RIMS1: variants seen among roughly 807,000 people sequenced by gnomAD.
The protein encoded by RIMS1 is regulating synaptic membrane exocytosis 1.
Under a neutral mutation model 214.1 loss-of-function variants are expected in RIMS1, and 83 were observed. That is an observed-to-expected ratio of 0.39 (90% CI 0.32 to 0.47). The LOEUF is 0.47. Among genes scored for constraint, RIMS1 ranks in the 20% least tolerant of loss-of-function variants. RIMS1 has a pLI of 0.99. For missense variants in RIMS1, 2,050 were observed against 2,161.8 expected (o/e 0.95, Z 1.03); for synonymous variants, 793 against 786.8 (o/e 1.01, Z -0.13).
intron 29 of RIMS1, among the ~76,000 whole-genome samples, chr6:72,349,231 A>G (rs2097365133): frequency 6.6e-6 from 1 of 152,056 alleles, no homozygotes; most frequent in African/African-American, 2.4e-5. Flanking sequence ...TAGGTCTACA[A>G]GGAGGTAAAA....
intron 10 of RIMS1, among the ~76,000 whole-genome samples, chr6:72,244,084 T>TA (rs2068257807): frequency 6.6e-6 from 1 of 151,356 alleles, no homozygotes; most frequent in African/African-American, 2.4e-5. Flanking sequence ...AAAAAGAAAA[T>TA]ATTTATTCAT....
At chr6:72,396,459 G>A (rs1419088842) in intron 31 of RIMS1, among the ~76,000 whole-genome samples, 4 of 152,150 alleles carry the variant, frequency 2.6e-5, no homozygotes, top group African/African-American at 4.8e-5. Flanking sequence ...AAATAAAAAT[G>A]TAGATGTGCT....
intron 2 of RIMS1, among the ~76,000 whole-genome samples, chr6:71,992,022 C>G (rs979227853): frequency 1.3e-5 from 2 of 151,982 alleles, no homozygotes; most frequent in African/African-American, 4.8e-5. Context: ...TGAGATCACG[C>G]CACTGCACTC....
chr6:72,371,737 A>T (rs1268454367), intron 29 of RIMS1, among the ~76,000 whole-genome samples: 1 of 152,128 alleles, frequency 6.6e-6, no homozygotes, highest in Non-Finnish European at 1.5e-5. Context: ...GTCCCTGTGT[A>T]GATAGACGAG....
At position 71,970,515 on chromosome 6, in the gene RIMS1, C is replaced by T. The variant is rs1055522634; in HGVS notation, c.245+1452C>T. Among the ~76,000 whole-genome samples, 17 of 152,170 alleles carry T rather than the reference C, an allele frequency of 1.1e-4. 1 individual carries two copies. On this transcript the variant is annotated intron_variant, in intron 2 of 33. Coordinates refer to ENST00000521978, the MANE Select transcript of RIMS1 (RefSeq NM_014989.7). ...ATTCCAAAGTTCATTTTAAATTACA[C>T]ATTATTAGATATGAACTAGCATTTG... is the stretch of plus-strand genomic sequence containing the variant.
chr6:72,179,644 G>C lies in RIMS1; in HGVS notation c.541G>C (p.Gly181Arg). 6.2e-7 allele frequency: 1 copy of C among 1,613,962 alleles called. No individual in the cohort carries two copies. The highest frequency in any genetic ancestry group is 8.5e-7 in the Non-Finnish European group (1 of 1,179,876). ...ILTKSGAWFF[G>R]SGPQQTSQDG... ...AACCAAATCTGGGGCATGGTTCTTT[G>C]GAAGTGGCCCTCAGCAGACAAGTCA... Residue 181 changes from glycine to arginine, a missense_variant, in exon 5 of 34, where the codon GGA (glycine) becomes CGA (arginine). This residue lies in a region of RIMS1 where 882 missense variants were observed against 828.9 expected (regional missense o/e 1.06). Coordinates refer to ENST00000521978, the MANE Select transcript of RIMS1 (RefSeq NM_014989.7).
intron 6 of RIMS1, among the ~76,000 whole-genome samples, chr6:72,195,973 A>G (rs548186854): frequency 6.6e-6 from 1 of 152,066 alleles, no homozygotes; most frequent in East Asian, 1.9e-4. Flanking sequence ...GTGAGAACTC[A>G]CTATCATGAG....
intron 2 of RIMS1, among the ~76,000 whole-genome samples, chr6:72,088,465 C>T (rs930468897): frequency 4.0e-5 from 6 of 151,782 alleles, no homozygotes; most frequent in Non-Finnish European, 5.9e-5. Flanking sequence ...TGGCCCGGCT[C>T]CAGGCTGGTC....
intron 1 of RIMS1, among the ~76,000 whole-genome samples, chr6:71,900,708 G>A (rs1354512433): frequency 6.6e-6 from 1 of 152,126 alleles, no homozygotes; most frequent in Non-Finnish European, 1.5e-5. Context: ...AGTGGTGGAA[G>A]AGAGATCCCA....
chr6:71,940,635 C>A (rs1315823864), intron 1 of RIMS1, among the ~76,000 whole-genome samples: 1 of 152,142 alleles, frequency 6.6e-6, no homozygotes, highest in Non-Finnish European at 1.5e-5. Context: ...GAACTGAATT[C>A]TGCTAAAACA....
chr6:72,277,347 C>T (rs1045714399), intron 23 of RIMS1, among the ~76,000 whole-genome samples: 1 of 151,974 alleles, frequency 6.6e-6, no homozygotes, highest in Non-Finnish European at 1.5e-5. Context: ...TTTGGGAGGC[C>T]GAGGCGGGCG....
At chr6:72,313,780 T>A in intron 28 of RIMS1, 108 bp downstream of exon 28, 1 of 1,106,884 alleles carries the variant, frequency 9.0e-7, no homozygotes, top group Non-Finnish European at 1.3e-6. Context: ...CACAGTGGGT[T>A]AAGTATTTAT....
At chr6:71,887,855 G>A (rs1768292482) in intron 1 of RIMS1, among the ~76,000 whole-genome samples, 1 of 152,076 alleles carries the variant, frequency 6.6e-6, no homozygotes, top group South Asian at 2.1e-4. Context: ...CATATGTAAT[G>A]CCACTGGCAA....
intron 2 of RIMS1, among the ~76,000 whole-genome samples, chr6:72,046,992 A>G (rs1431955817): frequency 6.6e-6 from 1 of 152,158 alleles, no homozygotes; most frequent in Admixed American, 6.6e-5. Flanking sequence ...TAAATTACTC[A>G]AATACCTTTT....
intron 6 of RIMS1, among the ~76,000 whole-genome samples, chr6:72,226,716 A>G (rs574271671): frequency 6.6e-6 from 1 of 151,410 alleles, no homozygotes; most frequent in East Asian, 1.9e-4. Context: ...TGGCCAATTA[A>G]TAATTTTTAC....
chr6:72,122,580 A>C (rs1254587402), intron 4 of RIMS1, among the ~76,000 whole-genome samples: 1 of 151,702 alleles, frequency 6.6e-6, no homozygotes, highest in Non-Finnish European at 1.5e-5. Flanking sequence ...CCTCTGGTGG[A>C]ATTTGGCTGT....
At chr6:72,357,775 T>C (rs1158777116) in intron 29 of RIMS1, among the ~76,000 whole-genome samples, 1 of 152,200 alleles carries the variant, frequency 6.6e-6, no homozygotes, top group Non-Finnish European at 1.5e-5. Context: ...CCAAACTTGC[T>C]CATAACCGTA....
At chr6:71,891,004 A>T (rs1769673541) in intron 1 of RIMS1, among the ~76,000 whole-genome samples, 1 of 152,208 alleles carries the variant, frequency 6.6e-6, no homozygotes, top group African/African-American at 2.4e-5. Context: ...TCCTACCAAG[A>T]AGCAGCCTAT....
chr6:72,329,860 T>C (rs62407510), intron 28 of RIMS1, among the ~76,000 whole-genome samples: 6,734 of 151,826 alleles, frequency 0.044, 196 homozygotes, highest in South Asian at 0.072. Flanking sequence ...GAACACTTTA[T>C]GTTTGAGAGC....
Sources: gnomAD v4.1 joint callset for allele counts (sites outside exome capture counted in the v4.1 genomes callset) on GRCh38, gnomAD v4.1.1 for gene constraint, gnomAD v4.1.1 regional missense constraint, MANE v1.5 for transcripts, NCBI Gene and HGNC (gene_info 2026-07-23, HGNC 2026-07-21) for gene names.